Variants in DNAH7 observed in about 807,000 individuals in gnomAD.
DNAH7 encodes axonemal beta dynein heavy chain 7.
A neutral mutation model predicts 444.6 loss-of-function variants in DNAH7; 397 were observed. That is an observed-to-expected ratio of 0.89 (90% CI 0.82 to 0.97). The LOEUF (loss-of-function observed/expected upper bound fraction) is 0.97. Ranked by LOEUF, DNAH7 falls within the 50% of genes least tolerant of loss-of-function variation. The pLI is 0.00. For missense variants in DNAH7, 4,902 were observed against 4,800.8 expected (o/e 1.02, Z -0.62); for synonymous variants, 1,636 against 1,624.4 (o/e 1.01, Z -0.17).
At chr2:196,013,864 T>C (rs375388734) in intron 9 of DNAH7, among the ~76,000 whole-genome samples, 1 of 152,208 alleles carries the variant, frequency 6.6e-6, no homozygotes, top group East Asian at 1.9e-4. Context: ...CATTTTAAAA[T>C]TGCAGCTGTA....
chr2:195,822,054 A>G (rs1697499484), intron 49 of DNAH7, among the ~76,000 whole-genome samples: 1 of 152,200 alleles, frequency 6.6e-6, no homozygotes, highest in African/African-American at 2.4e-5. Flanking sequence ...GCCACTAACT[A>G]TAGACTACAT....
At position 196,001,745 on chromosome 2, in the gene DNAH7, A is replaced by G. The variant is rs758516460; in HGVS notation, c.1103T>C (p.Met368Thr). The G allele has an allele frequency of 2.4e-5, 39 of 1,609,916 alleles. No individual in the cohort carries two copies. Among genetic ancestry groups the G allele is most frequent in the Middle Eastern group, 3.3e-4 (2 of 6,074 alleles). ...ESFFNCAAAL[M>T]TLQLQDLTLV... Reference sequence around the variant, plus strand: ...AGTGAGGTCCTGCAGCTGTAAAGTCATAAGTGCAGCAGCACAGTTGAAAAA... The same window carrying G: ...AGTGAGGTCCTGCAGCTGTAAAGTCGTAAGTGCAGCAGCACAGTTGAAAAA... Residue 368 changes from methionine to threonine, a missense_variant, in exon 11 of 65, where the codon ATG becomes ACG. Met to Thr is a moderately conservative substitution (Grantham distance 81). Transcript: ENST00000312428.
intron 60 of DNAH7, among the ~76,000 whole-genome samples, chr2:195,774,968 A>C (rs1187805802): frequency 6.6e-6 from 1 of 152,232 alleles, no homozygotes. Context: ...AAACAAATCA[A>C]ATTAACAACT....
intron 22 of DNAH7, among the ~76,000 whole-genome samples, chr2:195,924,929 T>C (rs1688238423): frequency 6.6e-6 from 1 of 152,126 alleles, no homozygotes; most frequent in African/African-American, 2.4e-5. Context: ...TATGCTCCAG[T>C]GGCTGCTTTT....
At chr2:195,913,373 C>T (rs540338495) in intron 24 of DNAH7, among the ~76,000 whole-genome samples, 1 of 152,172 alleles carries the variant, frequency 6.6e-6, no homozygotes, top group African/African-American at 2.4e-5. Context: ...ATAGAAACAG[C>T]ATCCTATATC....
intron 25 of DNAH7, 52 bp from the exon 26 acceptor site, chr2:195,907,061 A>C: frequency 7.3e-7 from 1 of 1,374,038 alleles, no homozygotes; most frequent in African/African-American, 1.5e-5. Context: ...TCAATGTTGC[A>C]ATGAAATGTT....
Position 195,884,636 on chromosome 2 carries a change from A to C in DNAH7, c.5712T>G (p.Thr1904=). 6.2e-7 allele frequency: 1 copy of C among 1,614,212 alleles called. No individual in the cohort carries two copies. Among genetic ancestry groups the C allele is most frequent in the Admixed American group, 1.7e-5 (1 of 60,028 alleles). Residue 1904 remains threonine (T), a synonymous_variant, in exon 35 of 65, where the codon ACT becomes ACG. Coordinates refer to ENST00000312428, the MANE Select transcript of DNAH7 (RefSeq NM_018897.3). ...TTGTTCCTTTTTCAGGAAATGGGAC[A>C]GTTAGTGCCTTTGAGGATGTTTGCT... ...GTEQTSSKAL[T]VPFPEKGTIY...
chr2:196,029,090 G>A (rs1170055188), intron 5 of DNAH7, among the ~76,000 whole-genome samples: 1 of 152,174 alleles, frequency 6.6e-6, no homozygotes, highest in Non-Finnish European at 1.5e-5. Flanking sequence ...AATCCTCAAA[G>A]TATTTAGCAC....
chr2:196,002,300 T>C (rs1021413957), intron 10 of DNAH7, among the ~76,000 whole-genome samples: 3 of 146,830 alleles, frequency 2.0e-5, no homozygotes, highest in Non-Finnish European at 4.4e-5. Context: ...TGCTATTCTA[T>C]CTGTTTACAG....
intron 63 of DNAH7, among the ~76,000 whole-genome samples, chr2:195,745,275 T>G (rs1693324169): frequency 6.6e-6 from 1 of 151,854 alleles, no homozygotes; most frequent in Non-Finnish European, 1.5e-5. Flanking sequence ...ATGAAATGAA[T>G]GAAATGAAGC....
At chr2:196,010,798 C>G (rs1694683998) in intron 10 of DNAH7, among the ~76,000 whole-genome samples, 1 of 152,016 alleles carries the variant, frequency 6.6e-6, no homozygotes, top group Non-Finnish European at 1.5e-5. Context: ...AGTTTATATA[C>G]ACAATGGAAT....
intron 19 of DNAH7, among the ~76,000 whole-genome samples, chr2:195,956,083 G>A (rs1690631048): frequency 6.6e-6 from 1 of 152,008 alleles, no homozygotes; most frequent in African/African-American, 2.4e-5. Flanking sequence ...CCATCTTTCT[G>A]AATATTTTCC....
At chr2:195,981,377 G>C (rs1047249296) in intron 15 of DNAH7, among the ~76,000 whole-genome samples, 1 of 151,826 alleles carries the variant, frequency 6.6e-6, no homozygotes, top group African/African-American at 2.4e-5. Flanking sequence ...TCATAAATTA[G>C]AAGAATCCAA....
At chr2:196,018,284 A>G (rs1252340279) in intron 9 of DNAH7, among the ~76,000 whole-genome samples, 1 of 152,150 alleles carries the variant, frequency 6.6e-6, no homozygotes, top group Admixed American at 6.5e-5. Flanking sequence ...ACACATAGTT[A>G]GAATTTTAGG....
chr2:195,999,272 C>T (rs998653737), intron 12 of DNAH7: 1 of 709,648 alleles, frequency 1.4e-6, no homozygotes, highest in Non-Finnish European at 2.6e-6. Flanking sequence ...AAGATGGTTG[C>T]CTTAAGAATT....
intron 37 of DNAH7, 51 bp from the exon 38 acceptor site, chr2:195,875,894 A>C: frequency 2.0e-6 from 3 of 1,513,944 alleles, no homozygotes; most frequent in Non-Finnish European, 2.7e-6. Flanking sequence ...CTCAACATAC[A>C]GTCCTATTGT....
Position 195,906,937 on chromosome 2 carries a change from CCA to C in DNAH7, c.4175_4176del (p.Val1392GlyfsTer13), listed in dbSNP as rs1339852605. The C allele has an allele frequency of 4.3e-6, 7 of 1,613,124 alleles. No individual in the cohort carries two copies. The highest frequency in any genetic ancestry group is 1.3e-5 in the African/African-American group (1 of 74,860). On this transcript the variant is annotated frameshift_variant, in exon 26 of 65. Coordinates refer to ENST00000312428, the MANE Select transcript of DNAH7 (RefSeq NM_018897.3). LOFTEE classifies it high-confidence loss of function. ...TGGATAGTAAGGATTTGTTGAGCAACCACAGAGAGTACTTCCAAATCAATTCT... is the reference window on the plus strand; with the variant it reads ...TGGATAGTAAGGATTTGTTGAGCAACCAGAGAGTACTTCCAAATCAATTCT... ...FNRIDLEVLS[V>X]VAQQILTIQR...
At chr2:195,870,614 G>C (rs13426555) in intron 40 of DNAH7, among the ~76,000 whole-genome samples, 8,880 of 152,218 alleles carry the variant, frequency 0.058, 437 homozygotes, top group African/African-American at 0.14. Context: ...TATTGCAGTG[G>C]AGACTCTGGG....
intron 51 of DNAH7, among the ~76,000 whole-genome samples, chr2:195,813,732 G>A (rs1184510500): frequency 6.6e-6 from 1 of 152,170 alleles, no homozygotes; most frequent in African/African-American, 2.4e-5. Context: ...CTGATTATGT[G>A]TCATGTTCCG....
Sources: gnomAD v4.1 joint callset for allele counts (sites outside exome capture counted in the v4.1 genomes callset) on GRCh38, gnomAD v4.1.1 for gene constraint, MANE v1.5 for transcripts, NCBI Gene and HGNC (gene_info 2026-07-23, HGNC 2026-07-21) for gene names.